The following COL28A1 variants were observed in gnomAD, a reference collection of about 807,000 sequenced individuals.
COL28A1 encodes the protein collagen type XXVIII alpha 1 chain, also known as collagen alpha-1(XXVIII) chain.
COL28A1 carries 161 observed loss-of-function variants against 150.2 expected under a neutral mutation model. That is an observed-to-expected ratio of 1.07 (90% CI 0.94 to 1.22). COL28A1 has a LOEUF of 1.22. COL28A1 is among the 50% of genes most tolerant of loss of function. The pLI is 0.00. For synonymous variants in COL28A1, 552 were observed against 469.7 expected, an observed-to-expected ratio of 1.18 and a Z score of -2.26; for missense variants, 1,617 against 1,388.3, an observed-to-expected ratio of 1.16 and a Z score of -2.62.
intron 8 of COL28A1, among the ~76,000 whole-genome samples, chr7:7,513,806 G>C (rs1781278336): frequency 6.6e-6 from 1 of 152,208 alleles, no homozygotes; most frequent in African/African-American, 2.4e-5. Context: ...GGGGGGCACA[G>C]ATTGCCATCA....
At chr7:7,394,538 T>A (rs1782731081) in intron 27 of COL28A1, among the ~76,000 whole-genome samples, 1 of 152,240 alleles carries the variant, frequency 6.6e-6, no homozygotes, top group African/African-American at 2.4e-5. Context: ...AGCTGTATTT[T>A]CTGCTGCAGT....
intron 15 of COL28A1, among the ~76,000 whole-genome samples, chr7:7,472,224 G>A (rs988829279): frequency 6.6e-6 from 1 of 152,062 alleles, no homozygotes; most frequent in Non-Finnish European, 1.5e-5. Context: ...TAAATAGAAA[G>A]TCAAAGTGCC....
intron 18 of COL28A1, among the ~76,000 whole-genome samples, chr7:7,449,570 G>C (rs1786521496): frequency 6.6e-6 from 1 of 151,610 alleles, no homozygotes; most frequent in Admixed American, 6.6e-5. Context: ...AAAAATAATA[G>C]GCAAAACTTT....
intron 13 of COL28A1, among the ~76,000 whole-genome samples, chr7:7,486,642 G>T (rs929034363): frequency 2.6e-5 from 4 of 152,138 alleles, no homozygotes; most frequent in African/African-American, 9.7e-5. Flanking sequence ...AGATTTATCA[G>T]CGTTTATTAG....
intron 13 of COL28A1, among the ~76,000 whole-genome samples, chr7:7,486,733 G>A (rs538825296): frequency 2.0e-5 from 3 of 152,222 alleles, no homozygotes; most frequent in East Asian, 3.9e-4. Flanking sequence ...TTAATATGGT[G>A]TATTCCATTG....
At chr7:7,436,075 G>T (rs967407190) in intron 23 of COL28A1, among the ~76,000 whole-genome samples, 2 of 152,206 alleles carry the variant, frequency 1.3e-5, no homozygotes, top group Non-Finnish European at 2.9e-5. Context: ...ATGTTTTGCA[G>T]AATAGATACT....
the COL28A1 span, among the ~76,000 whole-genome samples, chr7:7,342,631 T>C: frequency 2.0e-5 from 3 of 152,066 alleles, no homozygotes; most frequent in Non-Finnish European, 4.4e-5. Context: ...AAATTCCACA[T>C]GCATATTTCA....
chr7:7,531,094 T>G (rs1045824222), intron 3 of COL28A1, among the ~76,000 whole-genome samples: 4 of 152,034 alleles, frequency 2.6e-5, no homozygotes, highest in Non-Finnish European at 5.9e-5. Context: ...AATAACCCCT[T>G]CCAAAATCCT....
chr7:7,348,802 G>A, the COL28A1 span, among the ~76,000 whole-genome samples: 10 of 151,960 alleles, frequency 6.6e-5, no homozygotes, highest in African/African-American at 9.7e-5. Context: ...TTTAAGAGTG[G>A]CACAATCATA....
chr7:7,448,508 A>T (rs1378325530), intron 18 of COL28A1, among the ~76,000 whole-genome samples: 1 of 152,012 alleles, frequency 6.6e-6, no homozygotes, highest in Non-Finnish European at 1.5e-5. Flanking sequence ...TTTCTTGGAA[A>T]GCTAAATGAA....
intron 27 of COL28A1, among the ~76,000 whole-genome samples, chr7:7,388,680 C>T (rs1183888051): frequency 6.6e-6 from 1 of 152,120 alleles, no homozygotes; most frequent in Non-Finnish European, 1.5e-5. Context: ...AGTTTTCTGA[C>T]TTTTTAATGA....
At position 7,390,853 on chromosome 7, in the gene COL28A1, T is replaced by C. The variant is rs556492264; in HGVS notation, c.2137-9241A>G. ...AGCAGTGATATCCCCTTTATCATTT[T>C]TTATTGCATCTATTTGATTCTTCTC... On this transcript the variant is annotated intron_variant, in intron 27 of 34. Transcript: ENST00000399429. 7.2e-5 allele frequency among the ~76,000 whole-genome samples: 11 copies of C among 152,340 alleles called. 1 individual carries two copies. In the East Asian group the frequency reaches 9.6e-4, roughly 13 times the overall value.
At chr7:7,418,697 A>G (rs889811548) in intron 26 of COL28A1, among the ~76,000 whole-genome samples, 1 of 152,176 alleles carries the variant, frequency 6.6e-6, no homozygotes, top group African/African-American at 2.4e-5. Flanking sequence ...TTCCAGTATT[A>G]AAAAAGCTTG....
chr7:7,383,682 G>GTATATATGTA lies in COL28A1; in HGVS notation c.2137-2071_2137-2070insTACATATATA, dbSNP rs1554262307. 7.3e-5 allele frequency among the ~76,000 whole-genome samples: 9 copies of GTATATATGTA among 124,100 alleles called. No individual in the cohort carries two copies. The East Asian group carries it at 2.2e-3, about 30-fold the overall frequency. The allele number at this position is 124,100 out of a possible 152,430, so 81.4% of individuals were successfully genotyped here. On this transcript the variant is annotated intron_variant, in intron 27 of 34. Transcript: ENST00000399429. ...ATTTGAAATTTGTGTGTGTGTGTGT[G>GTATATATGTA]TATATATATATATATATATATGTAT...
At chr7:7,419,783 A>T in intron 26 of COL28A1, 102 bp downstream of exon 26, 1 of 627,410 alleles carries the variant, frequency 1.6e-6, no homozygotes, top group Non-Finnish European at 2.5e-6. Context: ...CAAGAAAAAA[A>T]TAAGTCAACA....
At position 7,417,851 on chromosome 7, in the gene COL28A1, T is replaced by G. The variant is rs776088873; in HGVS notation, c.2136+8A>C. The G allele has an allele frequency of 6.2e-7, 1 of 1,612,084 alleles. No individual in the cohort carries two copies. Among genetic ancestry groups the G allele is most frequent in the Admixed American group, 1.7e-5 (1 of 59,904 alleles). ...AGAGGTGACTCCAGCACAACCCTAT[T>G]CACTTACTTTAATTCCCTGTGATCC... On this transcript the variant is annotated splice_region_variant and intron_variant, in intron 27 of 34. Coordinates refer to ENST00000399429, the MANE Select transcript of COL28A1 (RefSeq NM_001037763.3).
rs1004003642 is a variant in COL28A1 at position 7,427,965 on chromosome 7, A to G, written c.1998+4508T>C. On this transcript the variant is annotated intron_variant, in intron 25 of 34. Coordinates refer to ENST00000399429, the MANE Select transcript of COL28A1 (RefSeq NM_001037763.3). Reference sequence around the variant, plus strand: ...TTTAGTTTTTCATTCATTCATCCATATCCATAGCCCCTCTCATATACAAAA... The same window carrying G: ...TTTAGTTTTTCATTCATTCATCCATGTCCATAGCCCCTCTCATATACAAAA... Among the ~76,000 whole-genome samples, 5 of 152,128 alleles carry G rather than the reference A, an allele frequency of 3.3e-5. No individual in the cohort carries two copies. In the East Asian group the frequency reaches 9.6e-4, roughly 29 times the overall value.
chr7:7,377,807 C>CA (rs35530896), intron 30 of COL28A1, among the ~76,000 whole-genome samples: 39,975 of 126,192 alleles, frequency 0.32, 6,901 homozygotes, highest in East Asian at 0.51. Flanking sequence ...ATAATTCACG[C>CA]AAAAAAAAAA....
Position 7,525,683 on chromosome 7 carries a change from G to A in COL28A1, c.682-1434C>T, listed in dbSNP as rs12538309. Reference sequence around the variant, plus strand: ...TTAGTTTTATTTTTACTTTATTTCCGTACAAACTAATACTATAGAGGGACG... The same window carrying A: ...TTAGTTTTATTTTTACTTTATTTCCATACAAACTAATACTATAGAGGGACG... On this transcript the variant is annotated intron_variant, in intron 3 of 34. Coordinates refer to ENST00000399429, the MANE Select transcript of COL28A1 (RefSeq NM_001037763.3). Among the ~76,000 whole-genome samples the A allele has an allele frequency of 6.5e-3, 988 of 152,140 alleles. 17 individuals carry two copies. The highest frequency in any genetic ancestry group is 0.049 in the Admixed American group (754 of 15,278).
Sources: gnomAD v4.1 joint callset for allele counts (sites outside exome capture counted in the v4.1 genomes callset) on GRCh38, gnomAD v4.1.1 for gene constraint, MANE v1.5 for transcripts, NCBI Gene and HGNC (gene_info 2026-07-23, HGNC 2026-07-21) for gene names.